The following GRXCR1 variants were observed in gnomAD, a reference collection of about 807,000 sequenced individuals.
GRXCR1 encodes the protein glutaredoxin and cysteine rich domain containing 1.
Under a neutral mutation model 27.3 loss-of-function variants are expected in GRXCR1, and 27 were observed. That is an observed-to-expected ratio of 0.99 (90% confidence interval 0.73 to 1.37). The LOEUF (loss-of-function observed/expected upper bound fraction) is 1.37. Ranked by LOEUF, GRXCR1 falls within the 40% of genes most tolerant of loss-of-function variation. The pLI, the probability that GRXCR1 is intolerant of heterozygous loss-of-function variation, is 0.00. For missense variants in GRXCR1, 379 were observed against 354.4 expected (o/e 1.07, Z -0.56); for synonymous variants, 122 against 131.1 (o/e 0.93, Z 0.47).
intron 1 of GRXCR1, among the ~76,000 whole-genome samples, chr4:42,903,398 G>A (rs1393416568): frequency 7.7e-6 from 1 of 129,872 alleles, no homozygotes; most frequent in African/African-American, 2.9e-5. Flanking sequence ...TGCAAGCTCT[G>A]CCTCCTGGGT....
intron 1 of GRXCR1, among the ~76,000 whole-genome samples, chr4:42,952,933 G>A (rs1368485117): frequency 6.6e-6 from 1 of 152,138 alleles, no homozygotes; most frequent in Non-Finnish European, 1.5e-5. Context: ...CCTTTGTTCT[G>A]ATTCTATGCT....
chr4:42,895,939 T>C (rs1464548841), intron 1 of GRXCR1, among the ~76,000 whole-genome samples: 1 of 152,112 alleles, frequency 6.6e-6, no homozygotes, highest in Non-Finnish European at 1.5e-5. Flanking sequence ...TGTAATTTAG[T>C]AATCTCCCTC....
chr4:43,010,444 T>C (rs1425684041), intron 2 of GRXCR1, among the ~76,000 whole-genome samples: 2 of 151,640 alleles, frequency 1.3e-5, no homozygotes, highest in Non-Finnish European at 2.9e-5. Flanking sequence ...GTTGTATGCA[T>C]TACTTTTGCT....
intron 3 of GRXCR1, among the ~76,000 whole-genome samples, chr4:43,023,406 T>C (rs1373553025): frequency 6.6e-6 from 1 of 152,178 alleles, no homozygotes; most frequent in African/African-American, 2.4e-5. Flanking sequence ...TAATTCCAAA[T>C]TTTTTGTGCA....
At chr4:42,950,332 C>A (rs1311923376) in intron 1 of GRXCR1, among the ~76,000 whole-genome samples, 1 of 152,098 alleles carries the variant, frequency 6.6e-6, no homozygotes, top group African/African-American at 2.4e-5. Context: ...TTAGAAATTT[C>A]TCCATTTGCA....
chr4:42,956,176 C>T lies in GRXCR1; in HGVS notation c.385-6716C>T, dbSNP rs528966575. 3.3e-5 allele frequency among the ~76,000 whole-genome samples: 5 copies of T among 152,198 alleles called. No homozygotes were observed. In the South Asian group the frequency reaches 1.0e-3, roughly 32 times the overall value. The stretch of plus-strand genomic sequence containing the variant: ...GTGCTGCAGGTTGTTGTAAGGCTTC[C>T]AGGCATCCCTAAGATTCATCTTTTT... On this transcript the variant is annotated intron_variant, in intron 1 of 3. Coordinates refer to ENST00000399770, the MANE Select transcript of GRXCR1 (RefSeq NM_001080476.3).
chr4:42,915,658 C>T (rs936394496), intron 1 of GRXCR1, among the ~76,000 whole-genome samples: 5 of 151,924 alleles, frequency 3.3e-5, no homozygotes, highest in African/African-American at 9.7e-5. Flanking sequence ...ATATAAGCTG[C>T]ATTTCTATAT....
intron 1 of GRXCR1, among the ~76,000 whole-genome samples, chr4:42,922,033 G>C (rs970732438): frequency 6.6e-6 from 1 of 152,110 alleles, no homozygotes; most frequent in African/African-American, 2.4e-5. Context: ...CATCTGTTAG[G>C]CCTGGGATAT....
intron 2 of GRXCR1, among the ~76,000 whole-genome samples, chr4:42,984,100 T>G (rs767100249): frequency 4.6e-5 from 7 of 152,216 alleles, no homozygotes; most frequent in Non-Finnish European, 1.0e-4. Context: ...TCTCCCAAAG[T>G]GCTGGGATTA....
intron 1 of GRXCR1, among the ~76,000 whole-genome samples, chr4:42,909,851 GC>G (rs1746680059): frequency 6.6e-6 from 1 of 152,080 alleles, no homozygotes; most frequent in South Asian, 2.1e-4. Flanking sequence ...CCTCTCAAAA[GC>G]CAAGTGTGAA....
At chr4:42,932,617 T>TAC (rs1747351510) in intron 1 of GRXCR1, among the ~76,000 whole-genome samples, 1 of 29,146 alleles carries the variant, frequency 3.4e-5, no homozygotes, top group Non-Finnish European at 6.6e-5. Flanking sequence ...TATATATATA[T>TAC]ATAGAGAGAG....
chr4:42,933,244 G>T (rs191414046), intron 1 of GRXCR1, among the ~76,000 whole-genome samples: 66 of 152,000 alleles, frequency 4.3e-4, no homozygotes, highest in Non-Finnish European at 8.8e-4. Flanking sequence ...TGACACAGGA[G>T]GCTACAGTTT....
At chr4:42,956,645 A>G (rs1748010934) in intron 1 of GRXCR1, among the ~76,000 whole-genome samples, 1 of 152,084 alleles carries the variant, frequency 6.6e-6, no homozygotes, top group Admixed American at 6.6e-5. Flanking sequence ...TATACTTTCT[A>G]CCCTGAATTT....
At chr4:43,003,304 A>G (rs1238523237) in intron 2 of GRXCR1, among the ~76,000 whole-genome samples, 1 of 152,148 alleles carries the variant, frequency 6.6e-6, no homozygotes, top group Non-Finnish European at 1.5e-5. Flanking sequence ...AAAGTATAAT[A>G]ATAATAAAAT....
chr4:42,982,625 C>G (rs1278691105), intron 2 of GRXCR1, among the ~76,000 whole-genome samples: 40 of 125,916 alleles, frequency 3.2e-4, no homozygotes, highest in Non-Finnish European at 6.8e-5. Flanking sequence ...CCTGAGGAAT[C>G]GCCACACTGA....
chr4:42,965,477 C>T (rs1286368355), intron 2 of GRXCR1, among the ~76,000 whole-genome samples: 1 of 152,034 alleles, frequency 6.6e-6, no homozygotes, highest in African/African-American at 2.4e-5. Context: ...AAATGGAATA[C>T]ATTGCTTGAA....
chr4:42,929,905 A>G (rs976550285), intron 1 of GRXCR1, among the ~76,000 whole-genome samples: 3 of 151,952 alleles, frequency 2.0e-5, no homozygotes, highest in East Asian at 3.9e-4. Flanking sequence ...AGCCAATTCT[A>G]TTACTATTTC....
At chr4:43,019,761 G>T (rs1052006641) in intron 2 of GRXCR1, among the ~76,000 whole-genome samples, 3 of 152,148 alleles carry the variant, frequency 2.0e-5, no homozygotes, top group Admixed American at 2.0e-4. Flanking sequence ...TGTCTTCTCT[G>T]GGTGGCCTTG....
intron 2 of GRXCR1, among the ~76,000 whole-genome samples, chr4:42,983,940 A>G (rs1360712860): frequency 6.6e-6 from 1 of 151,252 alleles, no homozygotes; most frequent in African/African-American, 2.4e-5. Context: ...GGTTCAAGCA[A>G]TTCTCCTGCC....
Sources: gnomAD v4.1 joint callset for allele counts (sites outside exome capture counted in the v4.1 genomes callset) on GRCh38, gnomAD v4.1.1 for gene constraint, MANE v1.5 for transcripts, NCBI Gene and HGNC (gene_info 2026-07-23, HGNC 2026-07-21) for gene names.